Variants in SLC12A8 observed in about 807,000 individuals in gnomAD.
The protein encoded by SLC12A8 is cation-chloride cotransporter 9.
Under a neutral mutation model 75.6 loss-of-function variants are expected in SLC12A8, and 69 were observed. The observed-to-expected ratio is 0.91, with a 90% CI of 0.75 to 1.11. SLC12A8 has a LOEUF of 1.11. Among genes scored for constraint, SLC12A8 ranks in the 50% most tolerant of loss-of-function variants. The pLI, the probability that SLC12A8 is intolerant of heterozygous loss-of-function variation, is 0.00. For synonymous variants in SLC12A8, 365 were observed against 372.8 expected (o/e 0.98, Z 0.24); for missense variants, 877 against 896.7 (o/e 0.98, Z 0.28).
intron 2 of SLC12A8, among the ~76,000 whole-genome samples, chr3:125,203,374 T>C (rs555144891): frequency 6.6e-5 from 10 of 152,208 alleles, no homozygotes; most frequent in African/African-American, 2.2e-4. Flanking sequence ...CAGCATGATA[T>C]TGGTATAGAA....
chr3:125,193,009 T>A (rs1934936548), intron 2 of SLC12A8, among the ~76,000 whole-genome samples: 1 of 152,264 alleles, frequency 6.6e-6, no homozygotes, highest in East Asian at 1.9e-4. Context: ...CAGAATAAAA[T>A]GCCAAATAAA....
At position 125,083,926 on chromosome 3, in the gene SLC12A8, G is replaced by C; in HGVS notation, c.2109C>G (p.Ser703=). 1 of 1,613,528 alleles carries C rather than the reference G, an allele frequency of 6.2e-7. No homozygotes were observed. Among genetic ancestry groups the C allele is most frequent in the Non-Finnish European group, 8.5e-7 (1 of 1,179,838 alleles). Residue 703 remains serine, a synonymous_variant, in exon 14 of 14, where the codon TCC becomes TCG. Coordinates refer to ENST00000469902, the MANE Select transcript of SLC12A8 (RefSeq NM_024628.6). ...FATRDRYHHS[S]LVNREQLMPH... is the part of the protein sequence containing the mutation. Reference sequence around the variant, plus strand: ...GCATCAGCTGCTCCCGGTTCACGAGGGAGGAGTGGTGGTAGCGATCCCGAG... The same window carrying C: ...GCATCAGCTGCTCCCGGTTCACGAGCGAGGAGTGGTGGTAGCGATCCCGAG...
At chr3:125,118,906 GC>G in intron 7 of SLC12A8, 50 bp from the exon 8 acceptor site, 1 of 1,261,966 alleles carries the variant, frequency 7.9e-7, no homozygotes, top group Non-Finnish European at 1.2e-6. Flanking sequence ...ACCTCACCCA[GC>G]CCCATCCAAT....
intron 5 of SLC12A8, among the ~76,000 whole-genome samples, chr3:125,146,178 G>A (rs1306217229): frequency 6.6e-6 from 1 of 152,198 alleles, no homozygotes; most frequent in Admixed American, 6.5e-5. Flanking sequence ...TTGGACCACT[G>A]TTGACCGTGG....
intron 12 of SLC12A8, 91 bp from the exon 13 acceptor site, chr3:125,088,461 TAC>T (rs372636929): frequency 7.2e-6 from 7 of 965,840 alleles, no homozygotes; most frequent in Non-Finnish European, 1.0e-5. Context: ...CAAACCCCAA[TAC>T]ACACACACGC....
At chr3:125,094,110 A>T (rs929552530) in intron 10 of SLC12A8, among the ~76,000 whole-genome samples, 4 of 152,164 alleles carry the variant, frequency 2.6e-5, no homozygotes, top group Admixed American at 6.5e-5. Context: ...CATTACCAGT[A>T]ACCTTACACT....
intron 4 of SLC12A8, among the ~76,000 whole-genome samples, chr3:125,186,339 G>A (rs894863342): frequency 2.6e-5 from 4 of 151,966 alleles, no homozygotes; most frequent in Non-Finnish European, 5.9e-5. Flanking sequence ...CACCCCCACC[G>A]CCCACACATG....
intron 5 of SLC12A8, among the ~76,000 whole-genome samples, chr3:125,146,209 C>A (rs1933770575): frequency 6.6e-6 from 1 of 152,124 alleles, no homozygotes; most frequent in Non-Finnish European, 1.5e-5. Flanking sequence ...CTGCAGAAAA[C>A]AAAACTGTAG....
chr3:125,085,456 A>G (rs758256126), intron 13 of SLC12A8, among the ~76,000 whole-genome samples: 35 of 152,230 alleles, frequency 2.3e-4, no homozygotes, highest in Middle Eastern at 3.4e-3. Flanking sequence ...GCCAAAACAC[A>G]CCCTACATTC....
intron 5 of SLC12A8, among the ~76,000 whole-genome samples, chr3:125,157,450 T>C (rs1262045786): frequency 6.6e-6 from 1 of 152,132 alleles, no homozygotes; most frequent in African/African-American, 2.4e-5. Context: ...CTGGAAGCCC[T>C]AGAAGCTGAA....
chr3:125,136,972 G>A (rs576766225), intron 5 of SLC12A8, among the ~76,000 whole-genome samples: 53 of 152,280 alleles, frequency 3.5e-4, no homozygotes, highest in Non-Finnish European at 6.0e-4. Context: ...ATTAACTGTC[G>A]TCCAAGAGAA....
At chr3:125,149,776 T>C (rs1933873565) in intron 5 of SLC12A8, among the ~76,000 whole-genome samples, 1 of 150,756 alleles carries the variant, frequency 6.6e-6, no homozygotes, top group Admixed American at 6.6e-5. Flanking sequence ...GACAAAAGGA[T>C]TGGGGAGAAA....
intron 5 of SLC12A8, among the ~76,000 whole-genome samples, chr3:125,143,325 T>A (rs1469253385): frequency 1.3e-5 from 2 of 152,246 alleles, no homozygotes; most frequent in Admixed American, 1.3e-4. Context: ...GTTTTGAAAT[T>A]AAACTGAATC....
intron 6 of SLC12A8, among the ~76,000 whole-genome samples, chr3:125,122,971 A>G (rs1156921073): frequency 6.6e-6 from 1 of 152,194 alleles, no homozygotes; most frequent in African/African-American, 2.4e-5. Flanking sequence ...ACAACAAAGA[A>G]CTTTTGGAAA....
intron 3 of SLC12A8, among the ~76,000 whole-genome samples, chr3:125,187,840 T>C (rs375289614): frequency 4.1e-5 from 6 of 145,530 alleles, no homozygotes; most frequent in African/African-American, 2.5e-5. Context: ...CTCCAGCATA[T>C]CCTTTAGGCC....
In SLC12A8 at chr3:125,177,741, AC is replaced by A. The variant is rs758380041; in HGVS notation, c.622+1del. 6.2e-7 allele frequency: 1 copy of A among 1,613,212 alleles called. No homozygotes were observed. The highest frequency in any genetic ancestry group is 1.1e-5 in the South Asian group (1 of 91,022). On this transcript the variant is annotated splice_donor_variant, in intron 5 of 13. Transcript: ENST00000469902. LOFTEE classifies it high-confidence loss of function. Reference sequence around the variant, plus strand: ...CCACATACTGGACTCTGAAAGGCTTACCTGGGTCCAGGTGGGTGAAAGAACC... The same window carrying A: ...CCACATACTGGACTCTGAAAGGCTTACTGGGTCCAGGTGGGTGAAAGAACC...
chr3:125,103,430 T>C (rs77667431), intron 10 of SLC12A8, among the ~76,000 whole-genome samples: 2,665 of 140,170 alleles, frequency 0.019, 35 homozygotes, highest in Non-Finnish European at 0.029. Flanking sequence ...TGTACAAAGC[T>C]CTTCTAAACA....
At chr3:125,177,031 T>A (rs1169377358) in intron 5 of SLC12A8, among the ~76,000 whole-genome samples, 1 of 151,752 alleles carries the variant, frequency 6.6e-6, no homozygotes, top group African/African-American at 2.4e-5. Flanking sequence ...CACACGTATG[T>A]TTATTGCGGC....
chr3:125,159,343 C>G (rs531421212), intron 5 of SLC12A8, among the ~76,000 whole-genome samples: 6 of 152,270 alleles, frequency 3.9e-5, no homozygotes, highest in South Asian at 4.2e-4. Flanking sequence ...CAATCCTCCC[C>G]CCTTGGTCTC....
Sources: allele counts gnomAD v4.1 joint callset (sites outside exome capture counted in the v4.1 genomes callset), GRCh38; gene constraint gnomAD v4.1.1; transcripts MANE v1.5; gene names NCBI Gene and HGNC (gene_info 2026-07-23, HGNC 2026-07-21).